The following MYOF variants were observed in gnomAD, a reference collection of about 807,000 sequenced individuals.
MYOF encodes the protein fer-1-like 3, myoferlin.
A neutral mutation model predicts 284.2 loss-of-function variants in MYOF; 244 were observed. The ratio of observed to expected loss-of-function variants is 0.86; its 90% confidence interval spans 0.77 to 0.95. MYOF has a LOEUF of 0.95. Among genes scored for constraint, MYOF ranks in the 40% least tolerant of loss-of-function variants. The pLI is 0.00. For missense variants in MYOF, 2,496 were observed against 2,560.6 expected (o/e 0.97, Z 0.54); for synonymous variants, 904 against 919.7 (o/e 0.98, Z 0.31).
intron 27 of MYOF, among the ~76,000 whole-genome samples, chr10:93,362,658 G>A (rs1204839155): frequency 6.6e-6 from 1 of 152,050 alleles, no homozygotes; most frequent in Non-Finnish European, 1.5e-5. Flanking sequence ...AATGAAGAGA[G>A]TTATGAAAAG....
intron 3 of MYOF, among the ~76,000 whole-genome samples, chr10:93,446,803 C>A (rs1445578020): frequency 6.6e-6 from 1 of 151,980 alleles, no homozygotes; most frequent in East Asian, 1.9e-4. Flanking sequence ...TCACTGCAAC[C>A]TCTGCCTCCC....
intron 1 of MYOF, among the ~76,000 whole-genome samples, chr10:93,473,957 G>T (rs1461109276): frequency 2.0e-5 from 3 of 152,142 alleles, no homozygotes; most frequent in African/African-American, 7.2e-5. Flanking sequence ...CTGCCCTCGT[G>T]CTGGCCTCTT....
At chr10:93,394,139 T>C (rs1010878573) in intron 16 of MYOF, among the ~76,000 whole-genome samples, 3 of 152,198 alleles carry the variant, frequency 2.0e-5, no homozygotes, top group Admixed American at 6.5e-5. Flanking sequence ...TCTTGCTCTG[T>C]TGTCCAGGCT....
At chr10:93,470,622 G>A (rs902277005) in intron 1 of MYOF, among the ~76,000 whole-genome samples, 12 of 152,122 alleles carry the variant, frequency 7.9e-5, no homozygotes, top group Admixed American at 5.9e-4. Context: ...GGCTGGTCTC[G>A]AACTCCTGAC....
At position 93,351,898 on chromosome 10, in the gene MYOF, C is replaced by A. The variant is rs527391662; in HGVS notation, c.3482-52G>T. The stretch of plus-strand genomic sequence containing the variant: ...GGGGCCACGGCTAAAATCTAACTCC[C>A]CAGAACCACTCAGTGCAACCATATT... On this transcript the variant is annotated intron_variant, in intron 32 of 53. Coordinates refer to ENST00000359263, the MANE Select transcript of MYOF (RefSeq NM_013451.4). 2.7e-5 allele frequency: 40 copies of A among 1,482,728 alleles called. 1 individual carries two copies. In the South Asian group the frequency reaches 5.0e-4, roughly 19 times the overall value. The allele number at this position is 1,482,728 out of a possible 1,614,324, so 91.8% of individuals were successfully genotyped here.
chr10:93,376,146 G>A (rs1845823744), intron 22 of MYOF, among the ~76,000 whole-genome samples: 1 of 152,184 alleles, frequency 6.6e-6, no homozygotes, highest in African/African-American at 2.4e-5. Context: ...ATAGATGACT[G>A]TGGTTTGCTC....
chr10:93,373,118 C>A (rs1564659557), intron 23 of MYOF, 33 bp from the exon 24 acceptor site: 1 of 1,613,758 alleles, frequency 6.2e-7, no homozygotes, highest in East Asian at 2.2e-5. Context: ...AGAGGAAGCA[C>A]AGCCATGGTT....
At chr10:93,331,641 C>T (rs1843306823) in intron 43 of MYOF, among the ~76,000 whole-genome samples, 1 of 146,276 alleles carries the variant, frequency 6.8e-6, no homozygotes. Flanking sequence ...ATTGCGGTGC[C>T]AGAGGATTAC....
chr10:93,402,330 T>G lies in MYOF; in HGVS notation c.892A>C (p.Lys298Gln). ...TCCGGGTCATTGAGAAGAAGCCACTTTCTCATGACAGCATGGCCTAAAATA... is the reference window on the plus strand; with the variant it reads ...TCCGGGTCATTGAGAAGAAGCCACTGTCTCATGACAGCATGGCCTAAAATA... ...YDEPGHAVMRKWLLLNDPEDT... is the reference protein window; with the variant it reads ...YDEPGHAVMRQWLLLNDPEDT... The change falls in exon 11 of 54, where the codon AAG becomes CAG. Residue 298 changes from lysine (K) to glutamine (Q), a missense_variant. This residue lies in a region of MYOF where 2,436 missense variants were observed against 2,480.7 expected (regional missense o/e 0.98). Transcript: ENST00000359263. 1 of 1,613,922 alleles carries G rather than the reference T, an allele frequency of 6.2e-7. No homozygotes were observed. Among genetic ancestry groups the G allele is most frequent in the Non-Finnish European group, 8.5e-7 (1 of 1,179,880 alleles).
At chr10:93,467,581 C>T (rs1394829785) in intron 1 of MYOF, among the ~76,000 whole-genome samples, 1 of 152,028 alleles carries the variant, frequency 6.6e-6, no homozygotes, top group African/African-American at 2.4e-5. Flanking sequence ...CCTCAGGGAT[C>T]TAGAACTAGA....
chr10:93,372,143 C>T (rs1031512775), intron 24 of MYOF, among the ~76,000 whole-genome samples: 2 of 152,182 alleles, frequency 1.3e-5, no homozygotes, highest in African/African-American at 2.4e-5. Flanking sequence ...TCCAACTCTG[C>T]TTTTTCTCTT....
intron 1 of MYOF, among the ~76,000 whole-genome samples, chr10:93,479,670 A>C (rs1034506904): frequency 1.3e-5 from 2 of 152,174 alleles, no homozygotes; most frequent in Non-Finnish European, 2.9e-5. Context: ...CACAGCTGAG[A>C]AATTGGAGAC....
chr10:93,331,624 C>A (rs546450463), intron 43 of MYOF, among the ~76,000 whole-genome samples: 1 of 150,072 alleles, frequency 6.7e-6, no homozygotes, highest in Non-Finnish European at 1.5e-5. Context: ...AAAAGGAAAA[C>A]GATCATATTG....
At chr10:93,421,063 A>T (rs1461954513) in intron 5 of MYOF, among the ~76,000 whole-genome samples, 1 of 152,052 alleles carries the variant, frequency 6.6e-6, no homozygotes, top group African/African-American at 2.4e-5. Context: ...ACTAAAAATT[A>T]AAAAATTAGC....
At chr10:93,360,427 G>T (rs1845015777) in intron 28 of MYOF, among the ~76,000 whole-genome samples, 1 of 152,186 alleles carries the variant, frequency 6.6e-6, no homozygotes, top group African/African-American at 2.4e-5. Flanking sequence ...GGATTATAGG[G>T]TTACAGTATT....
rs925455111 is a variant in MYOF, at chr10:93,306,784, G to A, written c.*179C>T. Reference sequence around the variant, plus strand: ...ACTTAAGAGATAACATGATGCAAACGTTGCTTGTTGGCCTGACTTTCCAGG... The same window carrying A: ...ACTTAAGAGATAACATGATGCAAACATTGCTTGTTGGCCTGACTTTCCAGG... On this transcript the variant is annotated 3_prime_UTR_variant, in exon 54 of 54. Transcript: ENST00000359263. The A allele has an allele frequency of 1.6e-5, 10 of 642,360 alleles. No individual in the cohort carries two copies. The highest frequency in any genetic ancestry group is 4.0e-5 in the South Asian group (2 of 50,206). 39.8% of individuals were successfully genotyped at this position (642,360 alleles called of 1,614,324 possible). A position where few individuals can be genotyped will look rare whatever the true frequency, so the allele number is the denominator to read the frequency against.
chr10:93,404,239 G>A lies in MYOF; in HGVS notation c.730-20C>T. 1 of 1,613,122 alleles carries A rather than the reference G, an allele frequency of 6.2e-7. No individual in the cohort carries two copies. Among genetic ancestry groups the A allele is most frequent in the Non-Finnish European group, 8.5e-7 (1 of 1,179,332 alleles). On this transcript the variant is annotated intron_variant, in intron 7 of 53. Coordinates refer to ENST00000359263, the MANE Select transcript of MYOF (RefSeq NM_013451.4). Reference sequence around the variant, plus strand: ...AAACAACTGCCAAAACAATAGAGCAGATGTTTAAATGTTAACAGGGGATTC... The same window carrying A: ...AAACAACTGCCAAAACAATAGAGCAAATGTTTAAATGTTAACAGGGGATTC...
chr10:93,386,868 T>C (rs1382687898), intron 19 of MYOF, among the ~76,000 whole-genome samples: 1 of 152,162 alleles, frequency 6.6e-6, no homozygotes, highest in Non-Finnish European at 1.5e-5. Flanking sequence ...CCTGGCTCGC[T>C]GGAGAACTCA....
intron 40 of MYOF, among the ~76,000 whole-genome samples, chr10:93,336,411 A>G (rs901281472): frequency 6.6e-6 from 1 of 152,236 alleles, no homozygotes; most frequent in Non-Finnish European, 1.5e-5. Flanking sequence ...GGGAAAAACT[A>G]TGAATACACA....
Sources: gnomAD v4.1 joint callset for allele counts (sites outside exome capture counted in the v4.1 genomes callset) on GRCh38, gnomAD v4.1.1 for gene constraint, gnomAD v4.1.1 regional missense constraint, MANE v1.5 for transcripts, NCBI Gene and HGNC (gene_info 2026-07-23, HGNC 2026-07-21) for gene names.